DNAJC1: variants seen among roughly 807,000 people sequenced by gnomAD.
The protein encoded by DNAJC1 is DnaJ heat shock protein family (Hsp40) member C1.
In DNAJC1, 58 loss-of-function variants were observed where a neutral mutation model predicts 76.6. The ratio of observed to expected loss-of-function variants is 0.76; its 90% CI spans 0.61 to 0.94. DNAJC1 has a LOEUF of 0.94. Among genes scored for constraint, DNAJC1 ranks in the 40% least tolerant of loss-of-function variants. The pLI, the probability that DNAJC1 is intolerant of heterozygous loss-of-function variation, is 0.00. For missense variants in DNAJC1, 689 were observed against 677.3 expected, an observed-to-expected ratio of 1.02 and a Z score of -0.19; for synonymous variants, 258 against 267.9, an observed-to-expected ratio of 0.96 and a Z score of 0.36.
At chr10:21,891,410 G>A (rs755689374) in intron 7 of DNAJC1, among the ~76,000 whole-genome samples, 18 of 148,690 alleles carry the variant, frequency 1.2e-4, no homozygotes, top group Non-Finnish European at 2.4e-4. Context: ...GAAGCAAACA[G>A]GGAAAAGAAT....
At chr10:21,800,745 A>G (rs1195757550) in intron 9 of DNAJC1, among the ~76,000 whole-genome samples, 1 of 152,204 alleles carries the variant, frequency 6.6e-6, no homozygotes, top group Non-Finnish European at 1.5e-5. Flanking sequence ...ATGATATACA[A>G]CGTTTATACA....
chr10:21,865,646 A>T (rs1835985672), intron 8 of DNAJC1: 1 of 152,136 alleles, frequency 6.6e-6, no homozygotes, highest in Non-Finnish European at 1.5e-5. Context: ...GATTCTGACA[A>T]CGGGTTCACA....
intron 7 of DNAJC1, among the ~76,000 whole-genome samples, chr10:21,883,251 AACACACACACACACACACACACACAC>A (rs3032395): frequency 0.015 from 1,930 of 129,022 alleles, 45 homozygotes; most frequent in African/African-American, 0.051. Flanking sequence ...TTCTATCTCA[AACACACACACACACACACACACACAC>A]ACACACACAC....
rs548387253 is a variant in DNAJC1, at chr10:21,783,126, T to C, written c.1099-16817A>G. 3.3e-5 allele frequency among the ~76,000 whole-genome samples: 5 copies of C among 152,294 alleles called. No homozygotes were observed. The South Asian group carries it at 8.3e-4, about 25-fold the overall frequency. ...AAGTCAAACTGTCCCTGTTTGTAGA[T>C]GACATGATTGTATATTTAGAAAACC... is the stretch of plus-strand genomic sequence containing the variant. On this transcript the variant is annotated intron_variant, in intron 9 of 11. Coordinates refer to ENST00000376980, the MANE Select transcript of DNAJC1 (RefSeq NM_022365.4).
intron 3 of DNAJC1, 84 bp from the exon 4 acceptor site, chr10:21,921,047 A>G: frequency 8.3e-7 from 1 of 1,210,668 alleles, no homozygotes; most frequent in Non-Finnish European, 1.1e-6. Flanking sequence ...ACAAAAAGGA[A>G]AAAGAAAACA....
intron 9 of DNAJC1, among the ~76,000 whole-genome samples, chr10:21,780,502 A>C (rs1201929771): frequency 6.6e-6 from 1 of 152,240 alleles, no homozygotes; most frequent in Non-Finnish European, 1.5e-5. Flanking sequence ...ACTAAGCTTC[A>C]TAAGTGAAGG....
At chr10:21,857,547 T>C (rs994084134) in intron 8 of DNAJC1, among the ~76,000 whole-genome samples, 2 of 152,102 alleles carry the variant, frequency 1.3e-5, no homozygotes, top group Admixed American at 6.5e-5. Flanking sequence ...AAAAAAAGTG[T>C]TCCTTTGTAG....
intron 6 of DNAJC1, 76 bp downstream of exon 6, chr10:21,918,703 C>T: frequency 9.1e-7 from 1 of 1,100,398 alleles, no homozygotes; most frequent in Non-Finnish European, 1.4e-6. Context: ...ATTCAGAGAG[C>T]CGACATGGGC....
intron 1 of DNAJC1, among the ~76,000 whole-genome samples, chr10:21,964,088 T>C (rs186853599): frequency 1.6e-4 from 24 of 152,330 alleles, no homozygotes; most frequent in Non-Finnish European, 2.4e-4. Flanking sequence ...AGTTAATTAA[T>C]GGTAAATTTT....
intron 8 of DNAJC1, among the ~76,000 whole-genome samples, chr10:21,821,696 T>TA (rs1564797680): frequency 6.6e-6 from 1 of 152,206 alleles, no homozygotes; most frequent in Non-Finnish European, 1.5e-5. Flanking sequence ...TTTCTTGCTT[T>TA]AAAGTTAGAA....
At chr10:21,911,802 C>T (rs1428189131) in intron 6 of DNAJC1, among the ~76,000 whole-genome samples, 19 of 152,238 alleles carry the variant, frequency 1.2e-4, no homozygotes, top group African/African-American at 4.6e-4. Flanking sequence ...TCTATATAAT[C>T]ATTCTGTTTG....
chr10:21,888,287 G>A (rs1290008177), intron 7 of DNAJC1, among the ~76,000 whole-genome samples: 2 of 152,110 alleles, frequency 1.3e-5, no homozygotes, highest in Non-Finnish European at 2.9e-5. Context: ...ACTGTTGGTG[G>A]GAGTGAAAAT....
chr10:21,856,130 T>C (rs1835829712), intron 8 of DNAJC1, among the ~76,000 whole-genome samples: 1 of 152,170 alleles, frequency 6.6e-6, no homozygotes, highest in South Asian at 2.1e-4. Flanking sequence ...AGGTAGATAT[T>C]ATCTCTAAAG....
chr10:21,840,157 C>A (rs1439030295), intron 8 of DNAJC1, among the ~76,000 whole-genome samples: 1 of 152,144 alleles, frequency 6.6e-6, no homozygotes, highest in African/African-American at 2.4e-5. Context: ...ACCGAATGGG[C>A]AAAAACTGGA....
At chr10:21,770,502 A>T (rs1834360939) in intron 9 of DNAJC1, among the ~76,000 whole-genome samples, 1 of 146,014 alleles carries the variant, frequency 6.8e-6, no homozygotes, top group African/African-American at 2.6e-5. Flanking sequence ...GGTTCAAGTG[A>T]TTCTCCCACC....
intron 3 of DNAJC1, among the ~76,000 whole-genome samples, chr10:21,926,289 A>G (rs894254235): frequency 5.1e-5 from 7 of 135,958 alleles, no homozygotes; most frequent in African/African-American, 1.9e-4. Flanking sequence ...ACTAAAAGTT[A>G]TTTGGTTTGT....
At chr10:21,961,399 G>T (rs1323113226) in intron 1 of DNAJC1, among the ~76,000 whole-genome samples, 3 of 152,112 alleles carry the variant, frequency 2.0e-5, no homozygotes, top group Non-Finnish European at 4.4e-5. Flanking sequence ...CTATAAAAAG[G>T]ATTGAGGTAC....
At chr10:21,963,314 T>C (rs1837832990) in intron 1 of DNAJC1, among the ~76,000 whole-genome samples, 1 of 152,194 alleles carries the variant, frequency 6.6e-6, no homozygotes, top group Admixed American at 6.5e-5. Context: ...CTGCTAAGCG[T>C]TAACACTGTA....
At chr10:21,829,078 T>C (rs1835311292) in intron 8 of DNAJC1, among the ~76,000 whole-genome samples, 2 of 152,174 alleles carry the variant, frequency 1.3e-5, no homozygotes, top group Non-Finnish European at 2.9e-5. Flanking sequence ...GTTCCAGGCC[T>C]GGAGTGCAGT....
Sources: gnomAD v4.1 joint callset for allele counts (sites outside exome capture counted in the v4.1 genomes callset) on GRCh38, gnomAD v4.1.1 for gene constraint, MANE v1.5 for transcripts, NCBI Gene and HGNC (gene_info 2026-07-23, HGNC 2026-07-21) for gene names.